The following TTC28 variants were observed in gnomAD, a reference collection of about 807,000 sequenced individuals.
TTC28 encodes the protein tetratricopeptide repeat domain 28.
Under a neutral mutation model 198.0 loss-of-function variants are expected in TTC28, and 61 were observed. The ratio of observed to expected loss-of-function variants is 0.31; its 90% confidence interval spans 0.25 to 0.38. TTC28 has a LOEUF of 0.38. Among genes scored for constraint, TTC28 ranks in the 10% least tolerant of loss-of-function variants. The pLI, the probability that TTC28 is intolerant of heterozygous loss-of-function variation, is 1.00. For missense variants in TTC28, 2,678 were observed against 3,164.0 expected (o/e 0.85, Z 3.69); for synonymous variants, 1,171 against 1,297.8 (o/e 0.90, Z 2.10).
At chr22:28,438,548 T>C (rs1278453885) in intron 2 of TTC28, among the ~76,000 whole-genome samples, 4 of 152,228 alleles carry the variant, frequency 2.6e-5, no homozygotes, top group Non-Finnish European at 5.9e-5. Context: ...AATGGTCTTT[T>C]ATTATGTGTG....
intron 5 of TTC28, among the ~76,000 whole-genome samples, chr22:28,230,670 A>G (rs1000842104): frequency 6.6e-6 from 1 of 152,198 alleles, no homozygotes; most frequent in African/African-American, 2.4e-5. Context: ...GAGAAATAGG[A>G]TATTTTCCCT....
intron 1 of TTC28, among the ~76,000 whole-genome samples, chr22:28,638,905 A>C (rs1382911712): frequency 6.6e-6 from 1 of 152,194 alleles, no homozygotes; most frequent in Non-Finnish European, 1.5e-5. Flanking sequence ...GGCTCAAGCT[A>C]TCCTCCCACC....
intron 2 of TTC28, among the ~76,000 whole-genome samples, chr22:28,503,872 G>A (rs1017161867): frequency 1.3e-5 from 2 of 152,168 alleles, no homozygotes; most frequent in Non-Finnish European, 2.9e-5. Context: ...ACAAGAAAGC[G>A]TGTCAGGTCT....
intron 5 of TTC28, among the ~76,000 whole-genome samples, chr22:28,193,014 GA>G (rs1448415495): frequency 6.6e-6 from 1 of 152,074 alleles, no homozygotes; most frequent in Non-Finnish European, 1.5e-5. Context: ...TGAAACGAAG[GA>G]AAAAATGCTA....
At chr22:28,516,386 G>A (rs990880679) in intron 2 of TTC28, among the ~76,000 whole-genome samples, 10 of 152,042 alleles carry the variant, frequency 6.6e-5, no homozygotes, top group Non-Finnish European at 1.3e-4. Context: ...TAAAATAGGT[G>A]CCACGCTTTA....
At chr22:28,616,410 T>C (rs1252922694) in intron 2 of TTC28, among the ~76,000 whole-genome samples, 2 of 152,228 alleles carry the variant, frequency 1.3e-5, no homozygotes, top group African/African-American at 4.8e-5. Flanking sequence ...TATATTTTAT[T>C]ACTATTATAA....
chr22:28,170,401 A>T (rs1332646493), intron 5 of TTC28, among the ~76,000 whole-genome samples: 1 of 151,470 alleles, frequency 6.6e-6, no homozygotes, highest in African/African-American at 2.4e-5. Context: ...AGGCAGGAGA[A>T]TGGCGTGAAC....
At chr22:28,105,911 C>G in intron 7 of TTC28, 109 bp from the exon 8 acceptor site, 1 of 1,245,222 alleles carries the variant, frequency 8.0e-7, no homozygotes, top group Non-Finnish European at 1.1e-6. Context: ...ACTATAGAAG[C>G]TCTTAACTCC....
chr22:28,514,736 G>A (rs1286782496), intron 2 of TTC28, among the ~76,000 whole-genome samples: 1 of 152,200 alleles, frequency 6.6e-6, no homozygotes, highest in Non-Finnish European at 1.5e-5. Flanking sequence ...CATATGGTAT[G>A]CATTCAGTGA....
At chr22:28,409,677 T>G (rs1021202315) in intron 2 of TTC28, among the ~76,000 whole-genome samples, 1 of 150,458 alleles carries the variant, frequency 6.6e-6, no homozygotes, top group Non-Finnish European at 1.5e-5. Context: ...TTTTTTTTTT[T>G]GAGATGGAGT....
intron 13 of TTC28, among the ~76,000 whole-genome samples, chr22:28,016,202 T>C (rs1938369028): frequency 1.3e-5 from 2 of 152,074 alleles, no homozygotes; most frequent in Admixed American, 6.5e-5. Flanking sequence ...AAACGTGTAA[T>C]TACAAGTGAC....
intron 2 of TTC28, among the ~76,000 whole-genome samples, chr22:28,319,044 T>G (rs2045402201): frequency 6.6e-6 from 1 of 152,034 alleles, no homozygotes; most frequent in Non-Finnish European, 1.5e-5. Flanking sequence ...TCCAGGCTGG[T>G]TTTGAACGCC....
At chr22:28,350,392 G>C (rs553976767) in intron 2 of TTC28, among the ~76,000 whole-genome samples, 1 of 152,196 alleles carries the variant, frequency 6.6e-6, no homozygotes. Context: ...CCTTGAATTA[G>C]TTATTCATCA....
At chr22:28,035,251 C>T (rs1312409941) in intron 12 of TTC28, among the ~76,000 whole-genome samples, 1 of 152,154 alleles carries the variant, frequency 6.6e-6, no homozygotes, top group African/African-American at 2.4e-5. Flanking sequence ...CAATTGCAAC[C>T]CTGAAGCTGA....
At chr22:28,019,420 G>A (rs1601523190) in intron 13 of TTC28, among the ~76,000 whole-genome samples, 1 of 152,314 alleles carries the variant, frequency 6.6e-6, no homozygotes, top group East Asian at 1.9e-4. Flanking sequence ...TGCAGGCTCA[G>A]CTTTCTGGTG....
intron 7 of TTC28, 121 bp downstream of exon 7, chr22:28,106,941 T>G: frequency 5.5e-4 from 686 of 1,253,320 alleles, no homozygotes; most frequent in Middle Eastern, 8.3e-4. Context: ...AGGAATCAGA[T>G]GAGATATGTA....
intron 12 of TTC28, among the ~76,000 whole-genome samples, chr22:28,070,375 G>A (rs959374427): frequency 1.6e-4 from 25 of 152,156 alleles, no homozygotes. Context: ...GACAAAAACA[G>A]TAGAAACCCA....
chr22:27,982,342 C>A lies in TTC28; in HGVS notation c.7325G>T (p.Gly2442Val). Reference sequence around the variant, plus strand: ...AGGGCCGGCGGGCAGCGGCAGTGAGCCCAGCGAGGTGGTCTCGGTGCGCCA... The same window carrying A: ...AGGGCCGGCGGGCAGCGGCAGTGAGACCAGCGAGGTGGTCTCGGTGCGCCA... ...GHWRTETTSLGSLPLPAGPPA... is the reference protein window; with the variant it reads ...GHWRTETTSLVSLPLPAGPPA... Residue 2442 changes from glycine (G) to valine (V), a missense_variant, in exon 23 of 23, where the codon GGC becomes GTC. Coordinates refer to ENST00000397906, the MANE Select transcript of TTC28 (RefSeq NM_001145418.2). The surrounding 1 kb of genome is among the most constrained non-coding windows in gnomAD (Gnocchi z 5.2). The A allele has an allele frequency of 6.5e-7, 1 of 1,542,054 alleles. No homozygotes were observed. The highest frequency in any genetic ancestry group is 8.8e-7 in the Non-Finnish European group (1 of 1,141,696).
intron 2 of TTC28, among the ~76,000 whole-genome samples, chr22:28,463,404 C>CCG (rs2047976183): frequency 6.6e-6 from 1 of 152,142 alleles, no homozygotes. Context: ...CCAGCCATTG[C>CCG]ATTACTGGGT....
Sources: gnomAD v4.1 joint callset for allele counts (sites outside exome capture counted in the v4.1 genomes callset) on GRCh38, gnomAD v4.1.1 for gene constraint, Gnocchi (gnomAD v3.1) non-coding constraint, MANE v1.5 for transcripts, NCBI Gene and HGNC (gene_info 2026-07-23, HGNC 2026-07-21) for gene names.